Variants in SLC28A1 observed in about 807,000 individuals in gnomAD.
The protein encoded by SLC28A1 is solute carrier family 28 member 1, also known as sodium/nucleoside cotransporter 1.
A neutral mutation model predicts 74.8 loss-of-function variants in SLC28A1; 64 were observed. The observed-to-expected ratio is 0.86, with a 90% CI of 0.70 to 1.05. The LOEUF is 1.05. Among genes scored for constraint, SLC28A1 ranks in the 50% least tolerant of loss-of-function variants. SLC28A1 has a pLI of 0.00. For synonymous variants in SLC28A1, 359 were observed against 335.0 expected, an observed-to-expected ratio of 1.07 and a Z score of -0.78; for missense variants, 828 against 822.8, an observed-to-expected ratio of 1.01 and a Z score of -0.08.
intron 4 of SLC28A1, among the ~76,000 whole-genome samples, chr15:84,889,693 TTTCCTTCCTTCCTTCTTTCCTTCCTTCC>T (rs1328030537): frequency 1.3e-3 from 35 of 26,286 alleles, no homozygotes; most frequent in Middle Eastern, 0.014. Context: ...TCCTTCCTTC[TTTCCTTCCTTCCTTCTTTCCTTCCTTCC>T]TTCCTTCCTT....
At chr15:84,887,252 T>C in intron 2 of SLC28A1, 1 of 521,394 alleles carries the variant, frequency 1.9e-6, no homozygotes, top group Non-Finnish European at 2.5e-6. Context: ...CTAGGTCCTC[T>C]CTTCAGAAAA....
At chr15:84,922,644 A>G (rs1276336279) in intron 11 of SLC28A1, among the ~76,000 whole-genome samples, 1 of 152,108 alleles carries the variant, frequency 6.6e-6, no homozygotes, top group Non-Finnish European at 1.5e-5. Flanking sequence ...CACAAAGCGG[A>G]TCATTCCACT....
the SLC28A1 span, among the ~76,000 whole-genome samples, chr15:84,962,990 T>A: frequency 6.6e-6 from 1 of 152,096 alleles, no homozygotes; most frequent in Non-Finnish European, 1.5e-5. Flanking sequence ...AAGGCTGGGA[T>A]GATGGATGTT....
chr15:84,918,563 G>A lies in SLC28A1; in HGVS notation c.835G>A (p.Val279Ile), dbSNP rs17215975. The A allele has an allele frequency of 1.0e-3, 1,689 of 1,613,880 alleles. 8 individuals are homozygous for A. The highest frequency in any genetic ancestry group is 6.2e-3 in the African/African-American group (467 of 75,018). Residue 279 changes from valine to isoleucine, a missense_variant, in exon 10 of 19, where the codon GTT becomes ATT. Val to Ile is a conservative substitution (Grantham distance 29). Coordinates refer to ENST00000394573, the MANE Select transcript of SLC28A1 (RefSeq NM_004213.5). ...TGTCTTTTTCAGCTGTGTCATATCC[G>A]TTCTCTACCACGTGGGCCTCATGCA... The part of the protein sequence containing the change: ...IIVFFSCVIS[V>I]LYHVGLMQWV...
chr15:84,948,656 C>A (rs2142084958), downstream of SLC28A1, among the ~76,000 whole-genome samples: 1 of 152,280 alleles, frequency 6.6e-6, no homozygotes, highest in East Asian at 1.9e-4. Context: ...GATTCCATGA[C>A]AGCCAAATTC....
At chr15:84,956,775 G>A in the SLC28A1 span, among the ~76,000 whole-genome samples, 1 of 151,460 alleles carries the variant, frequency 6.6e-6, no homozygotes, top group African/African-American at 2.4e-5. Context: ...AAAGTGCTGG[G>A]ATTACAGACG....
At chr15:84,967,061 A>G in the SLC28A1 span, among the ~76,000 whole-genome samples, 1 of 152,184 alleles carries the variant, frequency 6.6e-6, no homozygotes, top group South Asian at 2.1e-4. Flanking sequence ...GATTATAGGC[A>G]TGAGCCACCA....
chr15:84,902,474 T>C (rs1371941637), intron 6 of SLC28A1, among the ~76,000 whole-genome samples: 3 of 104,712 alleles, frequency 2.9e-5, no homozygotes, highest in East Asian at 3.3e-4. Flanking sequence ...AATGAGACTT[T>C]GTCTCAAAAA....
the SLC28A1 span, among the ~76,000 whole-genome samples, chr15:84,974,465 T>C: frequency 2.6e-5 from 4 of 152,228 alleles, no homozygotes; most frequent in Non-Finnish European, 5.9e-5. Flanking sequence ...CTCCATTTCC[T>C]CTCCAATCAA....
rs1966608945 is a variant in SLC28A1, at chr15:84,900,884, AAGGAAGG to A, written c.462-3211_462-3205del. Among the ~76,000 whole-genome samples, 4 of 68,198 alleles carry A rather than the reference AAGGAAGG, an allele frequency of 5.9e-5. No individual in the cohort carries two copies. In the South Asian group the frequency reaches 4.3e-3, roughly 73 times the overall value. 44.7% of individuals were successfully genotyped at this position (68,198 alleles called of 152,430 possible). A position where few individuals can be genotyped will look rare whatever the true frequency, so the allele number is the denominator to read the frequency against. ...AAGGGTGAAAGGCAAGGAAGGAAGG[AAGGAAGG>A]AAGGAAGGAAGGAAGGAAGGAAGTT... On this transcript the variant is annotated intron_variant, in intron 6 of 18. Coordinates refer to ENST00000394573, the MANE Select transcript of SLC28A1 (RefSeq NM_004213.5).
intron 6 of SLC28A1, chr15:84,895,339 G>A: frequency 1.9e-6 from 3 of 1,613,620 alleles, no homozygotes; most frequent in Non-Finnish European, 2.5e-6. Flanking sequence ...AGGTGACTGT[G>A]GTGGACGAAA....
At chr15:84,948,479 C>T (rs2079306820), downstream of SLC28A1, among the ~76,000 whole-genome samples, 1 of 152,118 alleles carries the variant, frequency 6.6e-6, no homozygotes, top group Non-Finnish European at 1.5e-5. Flanking sequence ...TGACTCAGGG[C>T]AGGCCAAATC....
At position 84,914,658 on chromosome 15, in the gene SLC28A1, C is replaced by T. The variant is rs189236509; in HGVS notation, c.796-3866C>T. 2.0e-3 allele frequency among the ~76,000 whole-genome samples: 303 copies of T among 152,310 alleles called. 1 individual carries two copies. The highest frequency in any genetic ancestry group is 5.7e-3 in the Admixed American group (87 of 15,306). Reference sequence around the variant, plus strand: ...TATTAGGGACCTGGCCCAGGACAAGCCCTCGTGGTTGGCACACAGTGGAAT... The same window carrying T: ...TATTAGGGACCTGGCCCAGGACAAGTCCTCGTGGTTGGCACACAGTGGAAT... On this transcript the variant is annotated intron_variant, in intron 9 of 18. Coordinates refer to ENST00000394573, the MANE Select transcript of SLC28A1 (RefSeq NM_004213.5).
chr15:84,944,915 AGAATGCCTGAGCGCTGGGGG>A, intron 18 of SLC28A1, 48 bp downstream of exon 18: 2 of 1,348,958 alleles, frequency 1.5e-6, no homozygotes, highest in Non-Finnish European at 2.1e-6. Flanking sequence ...AGTGATAGAC[AGAATGCCTGAGCGCTGGGGG>A]GGATGCCTTT....
chr15:84,933,267 G>T lies in SLC28A1; in HGVS notation c.1206G>T (p.Leu402=). Reference sequence around the variant, plus strand: ...TTAGGAGGGAGGAAGGAGTGAAACTGACCTATGGGTGAGCACAGCAGGAGG... The same window carrying T: ...TTAGGAGGGAGGAAGGAGTGAAACTTACCTATGGGTGAGCACAGCAGGAGG... ...SKFRREEGVK[L]TYGDAQNLIE... Residue 402 remains leucine (L), a synonymous_variant, in exon 13 of 19, where the codon CTG becomes CTT. Transcript: ENST00000394573. 2.5e-6 allele frequency: 4 copies of T among 1,613,104 alleles called. No homozygotes were observed. The highest frequency in any genetic ancestry group is 2.2e-5 in the South Asian group (2 of 90,996).
intron 6 of SLC28A1, among the ~76,000 whole-genome samples, chr15:84,902,957 T>C (rs1052290706): frequency 2.0e-5 from 3 of 152,172 alleles, no homozygotes; most frequent in African/African-American, 7.2e-5. Flanking sequence ...CTCGAATGCC[T>C]GACCTCAGGT....
At chr15:84,975,222 A>G in the SLC28A1 span, among the ~76,000 whole-genome samples, 1 of 152,212 alleles carries the variant, frequency 6.6e-6, no homozygotes, top group Admixed American at 6.5e-5. Flanking sequence ...ATACAGTAGC[A>G]GTGACACATA....
At chr15:84,923,006 G>T (rs1175590819) in intron 11 of SLC28A1, among the ~76,000 whole-genome samples, 1 of 152,154 alleles carries the variant, frequency 6.6e-6, no homozygotes, top group Non-Finnish European at 1.5e-5. Context: ...GCACAATCTT[G>T]GGCTCACTGC....
rs1357250399 is a variant in SLC28A1 at position 84,895,428 on chromosome 15, T to G, written c.461+305T>G. ...GGCCCGAATCAGTACCTCCCTCAGATCACCTGGACAGTGTGAGACAAAAAG... is the reference window on the plus strand; with the variant it reads ...GGCCCGAATCAGTACCTCCCTCAGAGCACCTGGACAGTGTGAGACAAAAAG... On this transcript the variant is annotated intron_variant, in intron 6 of 18. Coordinates refer to ENST00000394573, the MANE Select transcript of SLC28A1 (RefSeq NM_004213.5). 1.9e-6 allele frequency: 3 copies of G among 1,613,902 alleles called. No individual in the cohort carries two copies. In the South Asian group the frequency reaches 3.3e-5, roughly 18 times the overall value.
Sources: allele counts gnomAD v4.1 joint callset (sites outside exome capture counted in the v4.1 genomes callset), GRCh38; gene constraint gnomAD v4.1.1; transcripts MANE v1.5; gene names NCBI Gene and HGNC (gene_info 2026-07-23, HGNC 2026-07-21).